The following KIAA0408 variants were observed in gnomAD, a reference collection of about 807,000 sequenced individuals.
KIAA0408 encodes the protein uncharacterized protein KIAA0408.
Under a neutral mutation model 60.9 loss-of-function variants are expected in KIAA0408, and 51 were observed. The observed-to-expected ratio is 0.84, with a 90% CI of 0.67 to 1.06. The LOEUF is 1.06. Among genes scored for constraint, KIAA0408 ranks in the 50% least tolerant of loss-of-function variants. The pLI, the probability that KIAA0408 is intolerant of heterozygous loss-of-function variation, is 0.00. For synonymous variants in KIAA0408, 304 were observed against 282.4 expected (o/e 1.08, Z -0.77); for missense variants, 787 against 833.9 (o/e 0.94, Z 0.69).
chr6:127,449,717 A>T, intron 4 of KIAA0408, 105 bp downstream of exon 4: 1 of 1,420,980 alleles, frequency 7.0e-7, no homozygotes, highest in Non-Finnish European at 9.6e-7. Context: ...CATTTTAATA[A>T]CTCATTAGTT....
chr6:127,458,999 T>C (rs1440028197), intron 1 of KIAA0408, among the ~76,000 whole-genome samples, 176 bp downstream of exon 1: 1 of 152,098 alleles, frequency 6.6e-6, no homozygotes, highest in Non-Finnish European at 1.5e-5. Flanking sequence ...GTCAGTACAA[T>C]CTGTTATGCA....
In KIAA0408 at chr6:127,450,151, T is replaced by C; in HGVS notation, c.337A>G (p.Ser113Gly). 2 of 1,614,104 alleles carry C rather than the reference T, an allele frequency of 1.2e-6. No individual in the cohort carries two copies. The highest frequency in any genetic ancestry group is 2.2e-5 in the South Asian group (2 of 91,080). Residue 113 changes from serine (S) to glycine (G), a missense_variant, in exon 3 of 6, where the codon AGT (serine) becomes GGT (glycine). Coordinates refer to ENST00000483725, the MANE Select transcript of KIAA0408 (RefSeq NM_014702.5). ...KENKREQSLVSGGNQMCKEQK... is the reference protein window; with the variant it reads ...KENKREQSLVGGGNQMCKEQK... Reference sequence around the variant, plus strand: ...TCCTTACACATTTGATTTCCTCCACTGACTAAGCTCTGCTCTCTTTTATTT... The same window carrying C: ...TCCTTACACATTTGATTTCCTCCACCGACTAAGCTCTGCTCTCTTTTATTT...
Position 127,450,330 on chromosome 6 carries a change from C to T in KIAA0408, c.158G>A (p.Trp53Ter). 1 of 1,599,884 alleles carries T rather than the reference C, an allele frequency of 6.3e-7. No homozygotes were observed. The highest frequency in any genetic ancestry group is 8.5e-7 in the Non-Finnish European group (1 of 1,175,486). Residue 53 changes from tryptophan (W) to a stop codon, truncating the protein, a stop_gained, in exon 3 of 6, where the codon TGG (tryptophan) becomes TAG (stop). Coordinates refer to ENST00000483725, the MANE Select transcript of KIAA0408 (RefSeq NM_014702.5). LOFTEE classifies it high-confidence loss of function. ...IEELCREVKLWRKININESAK... is the reference protein window; with the variant it reads ...IEELCREVKL The stretch of plus-strand genomic sequence containing the variant: ...ACTTTCATTGATATTGATTTTCCTC[C>T]AAAGCTTTACTTCCCGGCAAAGCTG...
intron 2 of KIAA0408, chr6:127,451,378 A>G (rs755075850): frequency 1.1e-5 from 5 of 450,090 alleles, no homozygotes; most frequent in Non-Finnish European, 2.2e-5. Context: ...TATTTATTGT[A>G]TGAAGTCAGG....
chr6:127,446,822 G>A lies in KIAA0408; in HGVS notation c.1497C>T (p.Ala499=), dbSNP rs773109864. Residue 499 remains alanine, a synonymous_variant, in exon 5 of 6, where the codon GCC becomes GCT. Transcript: ENST00000483725. ...NDVSGIWKTN[A]HMPVPMENVP... is the part of the protein sequence containing the mutation. The stretch of plus-strand genomic sequence containing the variant: ...CATTTTCCATGGGCACAGGCATGTG[G>A]GCATTGGTTTTCCAAATACCGGACA... 4 of 1,613,930 alleles carry A rather than the reference G, an allele frequency of 2.5e-6. No homozygotes were observed. The highest frequency in any genetic ancestry group is 3.4e-6 in the Non-Finnish European group (4 of 1,179,950).
At chr6:127,447,792 C>T in intron 4 of KIAA0408, 52 bp from the exon 5 acceptor site, 1 of 1,457,668 alleles carries the variant, frequency 6.9e-7, no homozygotes, top group Admixed American at 2.6e-5. Flanking sequence ...TTAGAATAAG[C>T]TCTCAAAAGC....
intron 2 of KIAA0408, chr6:127,450,602 T>G (rs1773285758): frequency 2.6e-6 from 1 of 378,374 alleles, no homozygotes; most frequent in Admixed American, 4.4e-5. Flanking sequence ...AATCAATCAT[T>G]CAAAAATAAA....
At position 127,446,576 on chromosome 6, in the gene KIAA0408, A is replaced by G. The variant is rs367604179; in HGVS notation, c.1743T>C (p.Ser581=). The G allele has an allele frequency of 1.9e-6, 3 of 1,614,102 alleles. No homozygotes were observed. Among genetic ancestry groups the G allele is most frequent in the Non-Finnish European group, 2.5e-6 (3 of 1,180,048 alleles). The change falls in exon 5 of 6, where the codon TCT becomes TCC. Residue 581 remains serine (S), a synonymous_variant. Transcript: ENST00000483725. Reference sequence around the variant, plus strand: ...TGGTCCAATTATCCTGGAAGCACTTAGAATTTTGCAATGCAGACTCTGTTG... The same window carrying G: ...TGGTCCAATTATCCTGGAAGCACTTGGAATTTTGCAATGCAGACTCTGTTG... The part of the protein sequence containing the change: ...ETATESALQN[S]KCFQDNWTKC...
intron 5 of KIAA0408, among the ~76,000 whole-genome samples, chr6:127,444,569 A>G (rs1773157351): frequency 6.6e-6 from 1 of 152,174 alleles, no homozygotes. Context: ...AGGATTTAAA[A>G]TTTCAAGTTA....
intron 2 of KIAA0408, among the ~76,000 whole-genome samples, chr6:127,452,734 G>A (rs187357183): frequency 1.7e-3 from 266 of 152,172 alleles, no homozygotes; most frequent in Non-Finnish European, 2.6e-3. Flanking sequence ...TTCTGATTGC[G>A]CTGGAGTTTT....
chr6:127,447,831 T>C (rs1438997122), intron 4 of KIAA0408, 91 bp from the exon 5 acceptor site: 1 of 1,426,298 alleles, frequency 7.0e-7, no homozygotes, highest in East Asian at 2.4e-5. Flanking sequence ...GAGTTTCTGC[T>C]ATAAGAAAAG....
intron 5 of KIAA0408, 43 bp from the exon 6 acceptor site, chr6:127,444,325 A>G: frequency 6.8e-6 from 10 of 1,476,842 alleles, no homozygotes; most frequent in Non-Finnish European, 8.2e-6. Context: ...TCTGGGTACC[A>G]ACAATAGGCT....
rs1459035958 is a variant in KIAA0408, at chr6:127,447,461, A to T, written c.858T>A (p.Tyr286Ter). ...NFPSSDSEQA[Y>*]ERWKERLDHN... ...GGTCTAACCTTTCCTTCCATCTTTC[A>T]TAGGCTTGTTCAGAATCCGAGCTGG... is the stretch of plus-strand genomic sequence containing the variant. Residue 286 changes from tyrosine (Y) to a stop codon, truncating the protein, a stop_gained, in exon 5 of 6, where the codon TAT (tyrosine) becomes TAA (stop). Transcript: ENST00000483725. LOFTEE classifies it high-confidence loss of function. 6.2e-6 allele frequency: 10 copies of T among 1,613,792 alleles called. No homozygotes were observed. Among genetic ancestry groups the T allele is most frequent in the Non-Finnish European group, 8.5e-6 (10 of 1,179,936 alleles).
intron 1 of KIAA0408, among the ~76,000 whole-genome samples, chr6:127,458,926 T>C (rs1773441009): frequency 6.6e-6 from 1 of 152,210 alleles, no homozygotes; most frequent in African/African-American, 2.4e-5. Flanking sequence ...AAAGAGCGGA[T>C]GGTACTGTCA....
chr6:127,450,788 C>T (rs979460559), intron 2 of KIAA0408: 1 of 160,972 alleles, frequency 6.2e-6, no homozygotes, highest in African/African-American at 2.4e-5. Context: ...TGTCTAAATG[C>T]TTGACAATCT....
rs1437199582 is a variant in KIAA0408 at position 127,446,508 on chromosome 6, T to C, written c.1811A>G (p.His604Arg). The change falls in exon 5 of 6, where the codon CAT becomes CGT. Residue 604 changes from histidine to arginine, a missense_variant. Coordinates refer to ENST00000483725, the MANE Select transcript of KIAA0408 (RefSeq NM_014702.5). ...DVSGGATLSQ[H>R]LEMLQMEQQF... ...TTGTTCCATTTGGAGCATTTCTAAA[T>C]GCTGACTTAATGTGGCACCACCACT... 3.1e-6 allele frequency: 5 copies of C among 1,614,176 alleles called. No homozygotes were observed.
Position 127,447,025 on chromosome 6 carries a change from T to C in KIAA0408, c.1294A>G (p.Thr432Ala), listed in dbSNP as rs779762074. The change falls in exon 5 of 6, where the codon ACT becomes GCT. Residue 432 changes from threonine (T) to alanine (A), a missense_variant. By Grantham distance (58) the Thr-to-Ala change is moderately conservative. Around this residue, in one of 3 missense-constraint regions of KIAA0408, gnomAD observed 640 missense variants for 681.3 expected, o/e 0.94. Transcript: ENST00000483725. ...LRNFSCGFER[T>A]TRNEKLAAKT... The stretch of plus-strand genomic sequence containing the variant: ...GCTGCCAGCTTCTCATTCCTTGTAG[T>C]CCTTTCAAAGCCACAACTGAAATTT... 20 of 1,613,576 alleles carry C rather than the reference T, an allele frequency of 1.2e-5. No homozygotes were observed. The highest frequency in any genetic ancestry group is 2.7e-5 in the African/African-American group (2 of 75,028).
At chr6:127,451,049 T>C (rs554398951) in intron 2 of KIAA0408, 2 of 246,870 alleles carry the variant, frequency 8.1e-6, no homozygotes, top group South Asian at 9.1e-5. Flanking sequence ...TCCAGATTAC[T>C]TCTTTATGAG....
rs1218465851 is a variant in KIAA0408 at position 127,440,164 on chromosome 6, T to G, written c.*3945A>C. 2 of 152,192 alleles carry G rather than the reference T, an allele frequency of 1.3e-5. No homozygotes were observed. Among genetic ancestry groups the G allele is most frequent in the East Asian group, 3.8e-4 (2 of 5,200 alleles). 9.4% of individuals were successfully genotyped at this position (152,192 alleles called of 1,614,324 possible). ...TATTCCCAATAAAACAAAAAATTAT[T>G]TTCTATGATGAATATGCATACAATA... On this transcript the variant is annotated 3_prime_UTR_variant, in exon 6 of 6. Coordinates refer to ENST00000483725, the MANE Select transcript of KIAA0408 (RefSeq NM_014702.5).
Sources: allele counts gnomAD v4.1 joint callset (sites outside exome capture counted in the v4.1 genomes callset), GRCh38; gene constraint gnomAD v4.1.1; regional missense constraint gnomAD v4.1.1; transcripts MANE v1.5; gene names NCBI Gene and HGNC (gene_info 2026-07-23, HGNC 2026-07-21).